Variants in HDAC6 observed in about 807,000 individuals in gnomAD.
HDAC6 encodes protein deacetylase HDAC6.
In HDAC6, 5 loss-of-function variants were observed where a neutral mutation model predicts 88.9. The ratio of observed to expected loss-of-function variants is 0.06; its 90% CI spans 0.03 to 0.12. HDAC6 has a LOEUF of 0.12. Among genes scored for constraint, HDAC6 ranks in the 10% least tolerant of loss-of-function variants. The pLI, the probability that HDAC6 is intolerant of heterozygous loss-of-function variation, is 1.00. For missense variants in HDAC6, 706 were observed against 1,014.4 expected, an observed-to-expected ratio of 0.70 and a Z score of 4.13; for synonymous variants, 378 against 398.0, an observed-to-expected ratio of 0.95 and a Z score of 0.60.
chrX:48,814,334 T>C (rs1482303923), intron 10 of HDAC6, 106 bp from the exon 11 acceptor site: 1 of 780,291 alleles, frequency 1.3e-6, no homozygotes, highest in Admixed American at 2.9e-5. Flanking sequence ...GAACGAGTGG[T>C]TGAATGGGGA....
intron 23 of HDAC6, among the ~76,000 whole-genome samples, chrX:48,821,491 C>CTTT (rs869154128): frequency 6.5e-5 from 5 of 77,503 alleles, no homozygotes; most frequent in Non-Finnish European, 9.9e-5. Context: ...ATACCTGCCT[C>CTTT]TTTTTTTTTT....
chrX:48,801,852 C>G, upstream of HDAC6: 1 of 972,018 alleles, frequency 1.0e-6, no homozygotes, highest in Non-Finnish European at 1.3e-6. Context: ...AAAGAAAAGC[C>G]TGAGCGCTCG....
intron 10 of HDAC6, among the ~76,000 whole-genome samples, chrX:48,809,218 A>G (rs1302433964): frequency 5.4e-5 from 6 of 111,500 alleles, no homozygotes; most frequent in African/African-American, 2.0e-4. Context: ...GAGAGTCAGC[A>G]TACTTTAAAG....
At chrX:48,805,734 T>C in intron 6 of HDAC6, 63 bp downstream of exon 6, 1 of 987,142 alleles carries the variant, frequency 1.0e-6, no homozygotes, top group Non-Finnish European at 1.4e-6. Flanking sequence ...CAGGGCAAGC[T>C]AAACGCTTTG....
In HDAC6 at chrX:48,815,582, G is replaced by C; in HGVS notation, c.1264G>C (p.Ala422Pro). 5.8e-6 allele frequency: 7 copies of C among 1,210,990 alleles called. No homozygotes were observed. The highest frequency in any genetic ancestry group is 7.8e-6 in the Non-Finnish European group (7 of 894,808). ...TTTCTCCCTGCCCTGCAGTGCCCAG[G>C]CTTCAGTTTCCTGTGCTCTGGAAGC... The part of the protein sequence containing the change: ...SPGAPCRSAQ[A>P]SVSCALEALE... Residue 422 changes from alanine to proline, a missense_variant, in exon 16 of 29, where the codon GCT becomes CCT. Around this residue, in one of 9 missense-constraint regions of HDAC6, gnomAD observed 106 missense variants for 135.1 expected, o/e 0.78. Transcript: ENST00000334136.
At chrX:48,802,399 A>G (rs2062740223) in intron 1 of HDAC6, 5 of 925,475 alleles carry the variant, frequency 5.4e-6, no homozygotes, top group South Asian at 2.7e-5. Flanking sequence ...CCGGGGGCTC[A>G]TTGCTCCGTG....
intron 20 of HDAC6, 73 bp from the exon 21 acceptor site, chrX:48,817,968 C>T: frequency 1.0e-6 from 1 of 987,356 alleles, no homozygotes. Context: ...CCCCTGCAGA[C>T]CCCAGGGGTC....
At chrX:48,809,788 T>G (rs782720709) in intron 10 of HDAC6, among the ~76,000 whole-genome samples, 1 of 108,318 alleles carries the variant, frequency 9.2e-6, no homozygotes, top group East Asian at 2.9e-4. Context: ...GGTGATAGAC[T>G]GAGACCCCAT....
At chrX:48,803,967 G>A (rs781782907) in intron 4 of HDAC6, among the ~76,000 whole-genome samples, 8 of 111,969 alleles carry the variant, frequency 7.1e-5, no homozygotes, top group African/African-American at 1.6e-4. Context: ...GTTCGAGACC[G>A]GTCTGACCAA....
intron 8 of HDAC6, among the ~76,000 whole-genome samples, chrX:48,807,328 T>C (rs1464411709): frequency 8.9e-6 from 1 of 112,305 alleles, no homozygotes; most frequent in African/African-American, 3.2e-5. Context: ...TCCCCAGTCA[T>C]TTGCTGTTTT....
chrX:48,820,279 C>G (rs1557029315), intron 23 of HDAC6, 24 bp downstream of exon 23: 2 of 1,135,076 alleles, frequency 1.8e-6, no homozygotes, highest in African/African-American at 3.6e-5. Flanking sequence ...GGTCCCTCTT[C>G]CCACAGTGGG....
chrX:48,811,917 G>A (rs1557025990), intron 10 of HDAC6, among the ~76,000 whole-genome samples: 2 of 111,909 alleles, frequency 1.8e-5, no homozygotes, highest in African/African-American at 6.5e-5. Flanking sequence ...TGTACCCACT[G>A]CCCTCTTCCT....
At chrX:48,802,816 G>A (rs369996405) in intron 2 of HDAC6, 31 bp downstream of exon 2, 3 of 1,207,332 alleles carry the variant, frequency 2.5e-6, no homozygotes, top group Non-Finnish European at 3.4e-6. Context: ...TGATGAGGGG[G>A]AGAGGGAGCA....
In HDAC6 at chrX:48,815,066, T is replaced by G; in HGVS notation, c.1149+15T>G. 1 of 1,153,282 alleles carries G rather than the reference T, an allele frequency of 8.7e-7. No individual in the cohort carries two copies. Among genetic ancestry groups the G allele is most frequent in the African/African-American group, 1.8e-5 (1 of 56,667 alleles). ...TGTCTCTGGAGGTGAGTGACTCACCTTCGTCCCTCAGCCTGTGGATCCTGG... is the reference window on the plus strand; with the variant it reads ...TGTCTCTGGAGGTGAGTGACTCACCGTCGTCCCTCAGCCTGTGGATCCTGG... On this transcript the variant is annotated intron_variant, in intron 14 of 28. Coordinates refer to ENST00000334136, the MANE Select transcript of HDAC6 (RefSeq NM_006044.4).
chrX:48,805,063 C>T (rs1557023713), intron 4 of HDAC6, among the ~76,000 whole-genome samples: 1 of 111,335 alleles, frequency 9.0e-6, no homozygotes, highest in African/African-American at 3.3e-5. Context: ...TGATGGAGGA[C>T]AGATTGTTTA....
chrX:48,807,166 G>C (rs1557024643), intron 8 of HDAC6, among the ~76,000 whole-genome samples: 1 of 111,903 alleles, frequency 8.9e-6, no homozygotes, highest in Non-Finnish European at 1.9e-5. Flanking sequence ...ACCACAAATG[G>C]TAGTAACATG....
chrX:48,808,493 C>T (rs782237460), intron 10 of HDAC6, among the ~76,000 whole-genome samples, 167 bp downstream of exon 10: 1 of 111,697 alleles, frequency 9.0e-6, no homozygotes, highest in South Asian at 3.7e-4. Flanking sequence ...CCTAATTTCA[C>T]TCTGAGGCAG....
chrX:48,809,611 G>A (rs1229342782), intron 10 of HDAC6, among the ~76,000 whole-genome samples: 1 of 110,026 alleles, frequency 9.1e-6, no homozygotes, highest in Non-Finnish European at 1.9e-5. Flanking sequence ...GATCAGCTTG[G>A]CCAACATGGT....
Position 48,823,913 on chromosome X carries a change from C to T in HDAC6, c.3304-9C>T. 8.3e-7 allele frequency: 1 copy of T among 1,206,294 alleles called. No individual in the cohort carries two copies. The highest frequency in any genetic ancestry group is 1.8e-5 in the South Asian group (1 of 56,775). On this transcript the variant is annotated splice_polypyrimidine_tract_variant and intron_variant, in intron 26 of 28. Coordinates refer to ENST00000334136, the MANE Select transcript of HDAC6 (RefSeq NM_006044.4). The stretch of plus-strand genomic sequence containing the variant: ...CTTCAGCTTACCTAGTTTCACCCAC[C>T]CACTCCAGGCCATATTTTATGCTGT...
Sources: gnomAD v4.1 joint callset for allele counts (sites outside exome capture counted in the v4.1 genomes callset) on GRCh38, gnomAD v4.1.1 for gene constraint, gnomAD v4.1.1 regional missense constraint, MANE v1.5 for transcripts, NCBI Gene and HGNC (gene_info 2026-07-23, HGNC 2026-07-21) for gene names.